Variants in CDH13 observed in about 807,000 individuals in gnomAD.
The protein encoded by CDH13 is cadherin-13.
A neutral mutation model predicts 63.8 loss-of-function variants in CDH13; 24 were observed. The observed-to-expected ratio is 0.38, with a 90% CI of 0.27 to 0.53. The LOEUF is 0.53. CDH13 is among the 20% of genes least tolerant of loss of function. CDH13 has a pLI of 0.85. For missense variants in CDH13, 1,049 were observed against 903.1 expected (o/e 1.16, Z -2.07); for synonymous variants, 503 against 355.3 (o/e 1.42, Z -4.67).
At chr16:83,572,893 G>A (rs1430767689) in intron 7 of CDH13, among the ~76,000 whole-genome samples, 1 of 152,162 alleles carries the variant, frequency 6.6e-6, no homozygotes, top group Non-Finnish European at 1.5e-5. Flanking sequence ...TTTCCTAGTA[G>A]TATGACCAAT....
At chr16:83,511,102 A>G (rs28665871) in intron 7 of CDH13, among the ~76,000 whole-genome samples, 87 of 31,250 alleles carry the variant, frequency 2.8e-3, no homozygotes, top group Non-Finnish European at 3.0e-3. Context: ...ACATGCACAC[A>G]TGCACGCATG....
At chr16:83,183,841 A>G (rs1441132675) in intron 4 of CDH13, among the ~76,000 whole-genome samples, 3 of 152,212 alleles carry the variant, frequency 2.0e-5, no homozygotes, top group Non-Finnish European at 4.4e-5. Flanking sequence ...TCCTTCAAAT[A>G]AAATCTAATT....
chr16:83,697,261 T>C (rs537320515), intron 10 of CDH13, among the ~76,000 whole-genome samples: 116 of 152,358 alleles, frequency 7.6e-4, no homozygotes, highest in African/African-American at 2.6e-3. Context: ...AACAAGGCCT[T>C]CTTTTGCTTT....
chr16:83,562,886 T>C (rs2075732927), intron 7 of CDH13, among the ~76,000 whole-genome samples: 1 of 152,220 alleles, frequency 6.6e-6, no homozygotes, highest in African/African-American at 2.4e-5. Flanking sequence ...CTGAGTACTG[T>C]AGATTTGGTT....
At chr16:83,511,469 A>C (rs919567008) in intron 7 of CDH13, among the ~76,000 whole-genome samples, 6 of 136,608 alleles carry the variant, frequency 4.4e-5, no homozygotes, top group Non-Finnish European at 1.0e-4. Flanking sequence ...CTCAAAAAAA[A>C]AAAAAAGTTT....
chr16:83,214,467 C>T (rs111369478), intron 4 of CDH13, among the ~76,000 whole-genome samples: 2,824 of 146,818 alleles, frequency 0.019, 80 homozygotes, highest in African/African-American at 0.066. Context: ...GTAGTTCCAC[C>T]TACTTAGGGG....
chr16:83,043,741 C>T (rs926822825), intron 3 of CDH13, among the ~76,000 whole-genome samples: 1 of 151,802 alleles, frequency 6.6e-6, no homozygotes, highest in Non-Finnish European at 1.5e-5. Flanking sequence ...TGCCTGTAAT[C>T]CCAGCTACTC....
chr16:83,456,043 A>T (rs2073016850), intron 6 of CDH13, among the ~76,000 whole-genome samples: 1 of 152,176 alleles, frequency 6.6e-6, no homozygotes, highest in Admixed American at 6.5e-5. Context: ...TGGAGTTCTG[A>T]GCCTTTCTCA....
intron 10 of CDH13, among the ~76,000 whole-genome samples, chr16:83,685,501 G>A (rs934089351): frequency 1.3e-5 from 2 of 152,188 alleles, no homozygotes; most frequent in African/African-American, 4.8e-5. Context: ...TGGTATTTAT[G>A]TAGAGCCCAC....
chr16:83,573,890 G>T (rs1904869697), intron 7 of CDH13, among the ~76,000 whole-genome samples: 1 of 152,084 alleles, frequency 6.6e-6, no homozygotes, highest in Non-Finnish European at 1.5e-5. Context: ...CATTATTTTG[G>T]CAGTTCTCAG....
chr16:83,552,517 G>A (rs2075524151), intron 7 of CDH13, among the ~76,000 whole-genome samples: 1 of 152,192 alleles, frequency 6.6e-6, no homozygotes, highest in South Asian at 2.1e-4. Flanking sequence ...AATGCAAAAT[G>A]TTGATACCGC....
chr16:82,710,608 A>G (rs1294355321), intron 1 of CDH13, among the ~76,000 whole-genome samples: 3 of 142,636 alleles, frequency 2.1e-5, no homozygotes, highest in Non-Finnish European at 4.6e-5. Flanking sequence ...AAATATATAA[A>G]GTATATATGA....
chr16:83,103,882 C>T (rs953100574), intron 3 of CDH13, among the ~76,000 whole-genome samples: 1 of 152,120 alleles, frequency 6.6e-6, no homozygotes, highest in South Asian at 2.1e-4. Context: ...ACTTGTAAAA[C>T]AGTCAAAGAG....
chr16:83,600,301 G>A (rs1907664627), intron 7 of CDH13, among the ~76,000 whole-genome samples: 1 of 152,112 alleles, frequency 6.6e-6, no homozygotes, highest in African/African-American at 2.4e-5. Context: ...CGAAACATGA[G>A]GCGTAGAGCC....
At chr16:82,972,306 G>A (rs1045374654) in intron 2 of CDH13, among the ~76,000 whole-genome samples, 19 of 152,174 alleles carry the variant, frequency 1.2e-4, no homozygotes, top group African/African-American at 4.6e-4. Flanking sequence ...GGGTGTGAGA[G>A]CTGTGTTTGG....
rs562309025 is a variant in CDH13 at position 82,998,485 on chromosome 16, G to A, written c.158-33525G>A. On this transcript the variant is annotated intron_variant, in intron 2 of 13. Coordinates refer to ENST00000567109, the MANE Select transcript of CDH13 (RefSeq NM_001257.5). The stretch of plus-strand genomic sequence containing the variant: ...AGCCTGTCCTCTTGGTGATAATAAA[G>A]CATGATGATAAAACAAATGAGATCT... Among the ~76,000 whole-genome samples the A allele has an allele frequency of 1.4e-4, 22 of 152,148 alleles. No homozygotes were observed. In the South Asian group the frequency reaches 3.9e-3, roughly 27 times the overall value.
At chr16:82,950,342 G>C (rs1197642557) in intron 2 of CDH13, among the ~76,000 whole-genome samples, 2 of 152,008 alleles carry the variant, frequency 1.3e-5, no homozygotes, top group East Asian at 3.9e-4. Flanking sequence ...TTTTTGGTAA[G>C]GACGTGGTAT....
At chr16:83,170,988 GC>G (rs1259868162) in intron 4 of CDH13, among the ~76,000 whole-genome samples, 1 of 151,652 alleles carries the variant, frequency 6.6e-6, no homozygotes, top group Admixed American at 6.6e-5. Context: ...CTTTTTACCC[GC>G]CCGCCTCCTT....
In CDH13 at chr16:83,369,674, C is replaced by G. The variant is rs573294040; in HGVS notation, c.781+24668C>G. On this transcript the variant is annotated intron_variant, in intron 6 of 13. Coordinates refer to ENST00000567109, the MANE Select transcript of CDH13 (RefSeq NM_001257.5). ...CCCTGGCCTCAAGTGATCCTACCAC[C>G]TCAGCCTCACATAGTGTTGGGATTA... Among the ~76,000 whole-genome samples, 85 of 152,282 alleles carry G rather than the reference C, an allele frequency of 5.6e-4. 1 individual carries two copies. The highest frequency in any genetic ancestry group is 1.9e-3 in the African/African-American group (81 of 41,548).
Sources: allele counts gnomAD v4.1 joint callset (sites outside exome capture counted in the v4.1 genomes callset), GRCh38; gene constraint gnomAD v4.1.1; transcripts MANE v1.5; gene names NCBI Gene and HGNC (gene_info 2026-07-23, HGNC 2026-07-21).